UVRAG: variants seen among roughly 807,000 people sequenced by gnomAD.
The protein encoded by UVRAG is UV radiation resistance-associated gene protein.
UVRAG carries 19 observed loss-of-function variants against 78.0 expected under a neutral mutation model. That is an observed-to-expected ratio of 0.24 (90% CI 0.17 to 0.36). The LOEUF (loss-of-function observed/expected upper bound fraction) is 0.36. Among genes scored for constraint, UVRAG ranks in the 10% least tolerant of loss-of-function variants. The pLI is 1.00. For missense variants in UVRAG, 740 were observed against 853.8 expected, an observed-to-expected ratio of 0.87 and a Z score of 1.66; for synonymous variants, 323 against 324.6, an observed-to-expected ratio of 1.00 and a Z score of 0.05.
chr11:76,098,595 C>T (rs910605646), intron 13 of UVRAG, among the ~76,000 whole-genome samples: 1 of 152,162 alleles, frequency 6.6e-6, no homozygotes. Context: ...AAGACCACAT[C>T]ATTGTTTAAT....
At chr11:75,898,425 ATCTC>A (rs939815349) in intron 5 of UVRAG, among the ~76,000 whole-genome samples, 1 of 151,800 alleles carries the variant, frequency 6.6e-6, no homozygotes, top group Non-Finnish European at 1.5e-5. Flanking sequence ...TGAATTGTCT[ATCTC>A]TCTCTCTTTC....
chr11:76,122,464 G>A (rs1049310899), intron 14 of UVRAG, among the ~76,000 whole-genome samples: 16 of 152,168 alleles, frequency 1.1e-4, no homozygotes, highest in Admixed American at 2.6e-4. Context: ...GTAATAGTGC[G>A]TACTTAATAG....
chr11:76,058,892 G>A (rs1039173550), intron 12 of UVRAG, among the ~76,000 whole-genome samples: 1 of 152,168 alleles, frequency 6.6e-6, no homozygotes, highest in Non-Finnish European at 1.5e-5. Context: ...CAAGAAAGAT[G>A]GACACCTTCG....
intron 8 of UVRAG, among the ~76,000 whole-genome samples, chr11:75,997,259 G>A (rs1949725326): frequency 6.6e-6 from 1 of 152,244 alleles, no homozygotes; most frequent in Admixed American, 6.5e-5. Context: ...GGTTTTAACT[G>A]TAATTTTGAC....
intron 3 of UVRAG, among the ~76,000 whole-genome samples, chr11:75,874,901 G>A (rs573250055): frequency 6.6e-6 from 1 of 152,286 alleles, no homozygotes; most frequent in African/African-American, 2.4e-5. Context: ...CAGAGGAAAG[G>A]CTGAAGCTAC....
intron 9 of UVRAG, among the ~76,000 whole-genome samples, chr11:76,005,440 T>C (rs1192509368): frequency 1.3e-5 from 2 of 152,238 alleles, no homozygotes; most frequent in Non-Finnish European, 2.9e-5. Flanking sequence ...GGTAAGTTAC[T>C]GTTTGTCCAA....
chr11:76,117,284 A>G (rs1280133757), intron 14 of UVRAG, among the ~76,000 whole-genome samples: 1 of 152,172 alleles, frequency 6.6e-6, no homozygotes, highest in Admixed American at 6.5e-5. Context: ...CTACAACACT[A>G]ATTAATCACA....
intron 1 of UVRAG, among the ~76,000 whole-genome samples, chr11:75,829,949 C>T (rs888481864): frequency 3.3e-5 from 5 of 152,196 alleles, no homozygotes; most frequent in South Asian, 2.1e-4. Flanking sequence ...AAGCAATTCT[C>T]GTGCCTCGGC....
In UVRAG at chr11:75,928,714, C is replaced by T. The variant is rs748624154; in HGVS notation, c.593+16675C>T. On this transcript the variant is annotated intron_variant, in intron 6 of 14. Transcript: ENST00000356136. ...CAGCACTTTGGGAGGCCCAGGTGGG[C>T]GGATCACGAGGTCAGGAGATTGAGA... Among the ~76,000 whole-genome samples, 118 of 151,858 alleles carry T rather than the reference C, an allele frequency of 7.8e-4. 1 individual carries two copies. Among genetic ancestry groups the T allele is most frequent in the Non-Finnish European group, 1.6e-3 (107 of 67,930 alleles).
At chr11:76,075,631 T>C (rs1325856148) in intron 13 of UVRAG, among the ~76,000 whole-genome samples, 1 of 151,326 alleles carries the variant, frequency 6.6e-6, no homozygotes, top group Non-Finnish European at 1.5e-5. Context: ...AAAAAGTATA[T>C]AGTTCAGTGG....
chr11:75,873,852 C>T (rs1171010344), intron 3 of UVRAG, among the ~76,000 whole-genome samples: 1 of 152,158 alleles, frequency 6.6e-6, no homozygotes, highest in African/African-American at 2.4e-5. Flanking sequence ...TCCAGGGGAG[C>T]AGGCACATCC....
chr11:75,849,015 CTAAA>C (rs1946094723), intron 1 of UVRAG, among the ~76,000 whole-genome samples: 1 of 151,926 alleles, frequency 6.6e-6, no homozygotes, highest in African/African-American at 2.4e-5. Flanking sequence ...CCTGTCTTTA[CTAAA>C]AATACAAAAT....
intron 1 of UVRAG, among the ~76,000 whole-genome samples, chr11:75,840,624 A>G (rs1055188525): frequency 4.6e-5 from 7 of 152,214 alleles, no homozygotes; most frequent in African/African-American, 1.7e-4. Flanking sequence ...GAGCAGAGTT[A>G]ATTTCAGAAT....
At chr11:75,892,388 T>G in intron 5 of UVRAG, 1 of 985,432 alleles carries the variant, frequency 1.0e-6, no homozygotes, top group South Asian at 4.7e-5. Flanking sequence ...AACATGGGAA[T>G]GCAGAGTAAG....
At chr11:75,827,337 C>T (rs1449215452) in intron 1 of UVRAG, among the ~76,000 whole-genome samples, 7 of 151,968 alleles carry the variant, frequency 4.6e-5, no homozygotes, top group African/African-American at 1.5e-4. Flanking sequence ...CTGGGCGGGG[C>T]GCGGTGGCTC....
intron 13 of UVRAG, among the ~76,000 whole-genome samples, chr11:76,115,560 T>C (rs1952162228): frequency 6.6e-6 from 1 of 152,138 alleles, no homozygotes; most frequent in East Asian, 1.9e-4. Flanking sequence ...CTGGAGTTGG[T>C]GTTAGCAAAC....
intron 7 of UVRAG, among the ~76,000 whole-genome samples, chr11:75,982,408 T>G (rs1343818118): frequency 6.6e-6 from 1 of 152,062 alleles, no homozygotes; most frequent in Non-Finnish European, 1.5e-5. Context: ...CCACATATCT[T>G]CCACTGATAT....
chr11:76,031,732 G>A (rs1039001190), intron 12 of UVRAG, among the ~76,000 whole-genome samples: 3 of 152,120 alleles, frequency 2.0e-5, no homozygotes, highest in African/African-American at 7.2e-5. Context: ...GGGGGGACTG[G>A]ACAGAGGAAT....
At chr11:75,868,650 G>A (rs1207005479) in intron 3 of UVRAG, among the ~76,000 whole-genome samples, 1 of 152,188 alleles carries the variant, frequency 6.6e-6, no homozygotes, top group Non-Finnish European at 1.5e-5. Flanking sequence ...TGTTCAGGGA[G>A]AGGTTAGATC....
Sources: allele counts gnomAD v4.1 joint callset (sites outside exome capture counted in the v4.1 genomes callset), GRCh38; gene constraint gnomAD v4.1.1; transcripts MANE v1.5; gene names NCBI Gene and HGNC (gene_info 2026-07-23, HGNC 2026-07-21).